Variants in ZKSCAN3 observed in about 807,000 individuals in gnomAD.
ZKSCAN3 encodes the protein zinc finger protein with KRAB and SCAN domains 3.
ZKSCAN3 carries 21 observed loss-of-function variants against 30.7 expected under a neutral mutation model. The observed-to-expected ratio is 0.68, with a 90% confidence interval of 0.49 to 0.99. ZKSCAN3 has a LOEUF of 0.99. Among genes scored for constraint, ZKSCAN3 ranks in the 50% least tolerant of loss-of-function variants. The probability of loss-of-function intolerance (pLI) is 0.00; values close to 1 mark genes in which losing one functional copy is unlikely to be tolerated. For missense variants in ZKSCAN3, 507 were observed against 647.1 expected (o/e 0.78, Z 2.35); for synonymous variants, 201 against 246.7 (o/e 0.81, Z 1.73).
intron 1 of ZKSCAN3, among the ~76,000 whole-genome samples, chr6:28,358,500 T>C (rs1459019138): frequency 6.6e-6 from 1 of 151,948 alleles, no homozygotes; most frequent in Non-Finnish European, 1.5e-5. Context: ...CAGCTGTGGT[T>C]GGTTGAATCT....
chr6:28,364,707 C>T (rs1765887715), intron 5 of ZKSCAN3, among the ~76,000 whole-genome samples: 1 of 152,056 alleles, frequency 6.6e-6, no homozygotes, highest in Admixed American at 6.5e-5. Context: ...TTCTGAGTCT[C>T]CACTTTCGCT....
In ZKSCAN3 at chr6:28,363,637, C is replaced by T; in HGVS notation, c.634-55C>T. The T allele has an allele frequency of 2.5e-6, 4 of 1,608,300 alleles. No individual in the cohort carries two copies. The South Asian group carries it at 4.4e-5, about 18-fold the overall frequency. ...GCCTGGGGGTGCTTCCCAGATCTTCCCCACTCCACCATTTTGGTCAGCCCC... is the reference window on the plus strand; with the variant it reads ...GCCTGGGGGTGCTTCCCAGATCTTCTCCACTCCACCATTTTGGTCAGCCCC... On this transcript the variant is annotated intron_variant, in intron 4 of 5. Transcript: ENST00000252211.
chr6:28,354,039 C>T (rs1765250093), intron 1 of ZKSCAN3: 2 of 437,138 alleles, frequency 4.6e-6, no homozygotes, highest in Non-Finnish European at 9.2e-6. Context: ...CCTCCTCCGA[C>T]CGCAGCCCTT....
At position 28,365,737 on chromosome 6, in the gene ZKSCAN3, CTTG is replaced by C. The variant is rs1765936192; in HGVS notation, c.1071_1073del (p.Val358del). 6.2e-7 allele frequency: 1 copy of C among 1,613,976 alleles called. No homozygotes were observed. The highest frequency in any genetic ancestry group is 2.2e-5 in the East Asian group (1 of 44,880). Reference sequence around the variant, plus strand: ...CAAAGCCTTCATTGGGAGCTCTGCCCTTGTCATTCATCAGAGAGTCCACACTGG... The same window carrying C: ...CAAAGCCTTCATTGGGAGCTCTGCCCTCATTCATCAGAGAGTCCACACTGG... On this transcript the variant is annotated inframe_deletion, in exon 6 of 6. Transcript: ENST00000252211.
chr6:28,351,932 C>T lies in ZKSCAN3; in HGVS notation c.-63+1865C>T, dbSNP rs2113886709. The stretch of plus-strand genomic sequence containing the variant: ...CACGCAAAAAAATTGACAATAATTC[C>T]TTGATATCATTATCTTGATTTTCAA... On this transcript the variant is annotated intron_variant, in intron 1 of 5. Transcript: ENST00000252211. The surrounding 1 kb of genome is among the most constrained non-coding windows in gnomAD (Gnocchi z 4.6). Among the ~76,000 whole-genome samples, 1 of 151,852 alleles carries T rather than the reference C, an allele frequency of 6.6e-6. No homozygotes were observed. The highest frequency in any genetic ancestry group is 1.9e-4 in the East Asian group (1 of 5,182).
At position 28,351,130 on chromosome 6, in the gene ZKSCAN3, T is replaced by G. The variant is rs1764983398; in HGVS notation, c.-63+1063T>G. Reference sequence around the variant, plus strand: ...TTTTCTGTTAATGAGAAACTTTCCTTTCCTTATCTTCAGTATATTTACTGA... The same window carrying G: ...TTTTCTGTTAATGAGAAACTTTCCTGTCCTTATCTTCAGTATATTTACTGA... On this transcript the variant is annotated intron_variant, in intron 1 of 5. Coordinates refer to ENST00000252211, the MANE Select transcript of ZKSCAN3 (RefSeq NM_024493.4). The surrounding 1 kb of genome is among the most constrained non-coding windows in gnomAD (Gnocchi z 4.6). Among the ~76,000 whole-genome samples the G allele has an allele frequency of 6.6e-6, 1 of 152,280 alleles. No individual in the cohort carries two copies. Among genetic ancestry groups the G allele is most frequent in the Admixed American group, 6.5e-5 (1 of 15,274 alleles).
intron 2 of ZKSCAN3, chr6:28,360,624 T>C: frequency 1.0e-6 from 1 of 985,344 alleles, no homozygotes; most frequent in African/African-American, 1.7e-5. Context: ...CTTTGCATCA[T>C]CCTGTGTCCC....
chr6:28,360,711 G>A, intron 2 of ZKSCAN3: 1 of 985,392 alleles, frequency 1.0e-6, no homozygotes, highest in South Asian at 4.7e-5. Context: ...TCTTGACTTG[G>A]GTCTGTTGCA....
chr6:28,351,409 C>T lies in ZKSCAN3; in HGVS notation c.-63+1342C>T, dbSNP rs1365744580. On this transcript the variant is annotated intron_variant, in intron 1 of 5. Coordinates refer to ENST00000252211, the MANE Select transcript of ZKSCAN3 (RefSeq NM_024493.4). This position sits in a 1 kb window ranked among gnomAD's most constrained non-coding sequence, Gnocchi z 4.6. The stretch of plus-strand genomic sequence containing the variant: ...TGTGGCTCTCTCTCGCCTTCCTTGA[C>T]CCTACCTTAATGCTTTTTGGCTGTA... Among the ~76,000 whole-genome samples the T allele has an allele frequency of 6.6e-6, 1 of 152,148 alleles. No homozygotes were observed. Among genetic ancestry groups the T allele is most frequent in the Non-Finnish European group, 1.5e-5 (1 of 68,020 alleles).
intron 5 of ZKSCAN3, among the ~76,000 whole-genome samples, chr6:28,364,741 T>G (rs961955803): frequency 3.3e-5 from 5 of 152,144 alleles, no homozygotes; most frequent in Non-Finnish European, 7.4e-5. Flanking sequence ...ATTTCTTTTG[T>G]TTTTGAGATG....
chr6:28,364,810 C>T (rs1765895117), intron 5 of ZKSCAN3, among the ~76,000 whole-genome samples: 1 of 152,116 alleles, frequency 6.6e-6, no homozygotes, highest in African/African-American at 2.4e-5. Context: ...TCACTGCATC[C>T]TCTACCTCTC....
chr6:28,359,508 G>T lies in ZKSCAN3; in HGVS notation c.-62-17G>T. 6.5e-7 allele frequency: 1 copy of T among 1,537,650 alleles called. No homozygotes were observed. The highest frequency in any genetic ancestry group is 1.3e-5 in the South Asian group (1 of 79,888). On this transcript the variant is annotated splice_polypyrimidine_tract_variant and intron_variant, in intron 1 of 5. Transcript: ENST00000252211. ...ACTTGCAAGTTTACTGGTTAATAATGATTTCCCACCTTTCAGGGATCTTCT... is the reference window on the plus strand; with the variant it reads ...ACTTGCAAGTTTACTGGTTAATAATTATTTCCCACCTTTCAGGGATCTTCT...
chr6:28,357,210 C>T (rs1765489402), intron 1 of ZKSCAN3, among the ~76,000 whole-genome samples: 1 of 152,228 alleles, frequency 6.6e-6, no homozygotes, highest in Non-Finnish European at 1.5e-5. Context: ...TTTACCTCGG[C>T]CTATGCCTGC....
Position 28,366,174 on chromosome 6 carries a change from C to T in ZKSCAN3, c.1506C>T (p.His502=). Residue 502 remains histidine (H), a synonymous_variant, in exon 6 of 6, where the codon CAC becomes CAT. Transcript: ENST00000252211. ...NTGLIEHQKI[H]TGEKPYQCNA... is the part of the protein sequence containing the mutation. ...GCCTCATTGAACATCAAAAAATCCA[C>T]ACTGGTGAGAAACCCTATCAGTGTA... 1.9e-6 allele frequency: 3 copies of T among 1,610,710 alleles called. No individual in the cohort carries two copies. Among genetic ancestry groups the T allele is most frequent in the Non-Finnish European group, 2.5e-6 (3 of 1,178,832 alleles).
chr6:28,355,621 T>A (rs1765372656), intron 1 of ZKSCAN3: 1 of 152,212 alleles, frequency 6.6e-6, no homozygotes, highest in South Asian at 2.1e-4. Context: ...AGGAAGGTGG[T>A]TTCAGCCGCA....
At chr6:28,355,347 G>C (rs562304707) in intron 1 of ZKSCAN3, 1 of 152,302 alleles carries the variant, frequency 6.6e-6, no homozygotes, top group South Asian at 2.1e-4. Context: ...AGTCATGCGC[G>C]CGACGACTGT....
rs1765021655 is a variant in ZKSCAN3 at position 28,351,620 on chromosome 6, T to A, written c.-63+1553T>A. 6.6e-6 allele frequency among the ~76,000 whole-genome samples: 1 copy of A among 152,020 alleles called. No individual in the cohort carries two copies. The highest frequency in any genetic ancestry group is 2.1e-4 in the South Asian group (1 of 4,822). The stretch of plus-strand genomic sequence containing the variant: ...TTTCCCTCCTTTCCACTCTCTTTCC[T>A]TCCCTTCTCCTCCTCCTTCCCTTTT... On this transcript the variant is annotated intron_variant, in intron 1 of 5. Coordinates refer to ENST00000252211, the MANE Select transcript of ZKSCAN3 (RefSeq NM_024493.4). This position sits in a 1 kb window ranked among gnomAD's most constrained non-coding sequence, Gnocchi z 4.6.
At chr6:28,359,293 T>G (rs1005543747) in intron 1 of ZKSCAN3, among the ~76,000 whole-genome samples, 1 of 152,068 alleles carries the variant, frequency 6.6e-6, no homozygotes, top group Non-Finnish European at 1.5e-5. Flanking sequence ...CCAATTTCAG[T>G]TTTTTTCCTG....
At chr6:28,365,367 C>T in intron 5 of ZKSCAN3, 59 bp from the exon 6 acceptor site, 2 of 1,554,746 alleles carry the variant, frequency 1.3e-6, no homozygotes, top group Admixed American at 2.0e-5. Flanking sequence ...CCCTGGTACT[C>T]ATCACAGAGC....
Sources: allele counts gnomAD v4.1 joint callset (sites outside exome capture counted in the v4.1 genomes callset), GRCh38; gene constraint gnomAD v4.1.1; non-coding constraint Gnocchi (gnomAD v3.1); transcripts MANE v1.5; gene names NCBI Gene and HGNC (gene_info 2026-07-23, HGNC 2026-07-21).